NAALADL2: variants seen among roughly 807,000 people sequenced by gnomAD.
NAALADL2 encodes the protein N-acetylated alpha-linked acidic dipeptidase like 2.
In NAALADL2, 76 loss-of-function variants were observed where a neutral mutation model predicts 87.2. That is an observed-to-expected ratio of 0.87 (90% confidence interval 0.72 to 1.05). The LOEUF (loss-of-function observed/expected upper bound fraction) is 1.05. Ranked by LOEUF, NAALADL2 falls within the 50% of genes least tolerant of loss-of-function variation. The probability of loss-of-function intolerance (pLI) is 0.00; values close to 1 mark genes in which losing one functional copy is unlikely to be tolerated. For missense variants in NAALADL2, 1,089 were observed against 945.8 expected, an observed-to-expected ratio of 1.15 and a Z score of -1.99; for synonymous variants, 354 against 331.0, an observed-to-expected ratio of 1.07 and a Z score of -0.75.
intron 3 of NAALADL2, among the ~76,000 whole-genome samples, chr3:174,814,579 A>G (rs912807419): frequency 5.3e-5 from 8 of 152,152 alleles, no homozygotes; most frequent in African/African-American, 1.2e-4. Context: ...GTATGGAATA[A>G]TGTAATTTTG....
chr3:175,206,335 CAT>C (rs1296539622), intron 2 of NAALADL2, among the ~76,000 whole-genome samples: 3 of 142,306 alleles, frequency 2.1e-5, no homozygotes, highest in African/African-American at 8.1e-5. Flanking sequence ...CACACACACA[CAT>C]ATATAATGTA....
intron 6 of NAALADL2, among the ~76,000 whole-genome samples, chr3:175,451,709 C>T (rs1279961857): frequency 2.0e-5 from 3 of 151,968 alleles, no homozygotes; most frequent in Non-Finnish European, 4.4e-5. Context: ...TTACATGTTG[C>T]TTAAAACTTA....
At chr3:175,072,779 G>A (rs2109163776) in intron 1 of NAALADL2, among the ~76,000 whole-genome samples, 1 of 151,158 alleles carries the variant, frequency 6.6e-6, no homozygotes, top group Non-Finnish European at 1.5e-5. Context: ...CATGGCACAT[G>A]TATACATATG....
chr3:175,436,392 T>C (rs1718680412), intron 5 of NAALADL2, among the ~76,000 whole-genome samples: 1 of 148,820 alleles, frequency 6.7e-6, no homozygotes, highest in Non-Finnish European at 1.5e-5. Context: ...GGTCAAATGG[T>C]ATTTCTAGTT....
At chr3:174,773,625 T>C (rs537154311) in intron 3 of NAALADL2, among the ~76,000 whole-genome samples, 1 of 152,186 alleles carries the variant, frequency 6.6e-6, no homozygotes, top group Admixed American at 6.5e-5. Context: ...AGAATAAATG[T>C]CTATCTCATA....
At chr3:175,008,121 T>C (rs1223913382) in intron 1 of NAALADL2, among the ~76,000 whole-genome samples, 2 of 152,270 alleles carry the variant, frequency 1.3e-5, no homozygotes, top group East Asian at 1.9e-4. Context: ...CTCATGCCTA[T>C]AATCCCAGCA....
intron 2 of NAALADL2, among the ~76,000 whole-genome samples, chr3:174,618,189 G>C (rs915385498): frequency 1.3e-5 from 2 of 151,744 alleles, no homozygotes; most frequent in African/African-American, 4.8e-5. Context: ...ATGATAACCA[G>C]AGGTCAGTAC....
At chr3:175,203,121 C>A (rs945190460) in intron 2 of NAALADL2, among the ~76,000 whole-genome samples, 1 of 152,086 alleles carries the variant, frequency 6.6e-6, no homozygotes, top group African/African-American at 2.4e-5. Context: ...TGGATTCGCA[C>A]CCTCCCCTGA....
intron 7 of NAALADL2, among the ~76,000 whole-genome samples, chr3:175,466,321 G>A (rs1457536300): frequency 6.6e-6 from 1 of 152,156 alleles, no homozygotes; most frequent in East Asian, 1.9e-4. Flanking sequence ...AAAATATTCA[G>A]TAATGTACAT....
At chr3:174,939,986 G>A (rs1423525238) in intron 1 of NAALADL2, among the ~76,000 whole-genome samples, 1 of 151,942 alleles carries the variant, frequency 6.6e-6, no homozygotes, top group Non-Finnish European at 1.5e-5. Flanking sequence ...TCCTACTTAG[G>A]TGTTCTTTAT....
At chr3:174,871,588 T>G (rs2109616130) in intron 1 of NAALADL2, among the ~76,000 whole-genome samples, 1 of 152,252 alleles carries the variant, frequency 6.6e-6, no homozygotes, top group African/African-American at 2.4e-5. Context: ...ACTAGAAACA[T>G]ACATCTGAGC....
chr3:174,928,492 G>A (rs561973018), intron 1 of NAALADL2, among the ~76,000 whole-genome samples: 9 of 152,136 alleles, frequency 5.9e-5, no homozygotes, highest in Non-Finnish European at 8.8e-5. Flanking sequence ...CACCCGCCTC[G>A]GCCTCCCAAA....
At position 174,893,310 on chromosome 3, in the gene NAALADL2, A is replaced by ACCCC. The variant is rs35730234; in HGVS notation, c.43+33866_43+33869dup. 2.7e-4 allele frequency among the ~76,000 whole-genome samples: 38 copies of ACCCC among 139,434 alleles called. 1 individual carries two copies. The highest frequency in any genetic ancestry group is 9.4e-4 in the African/African-American group (35 of 37,394). The allele number at this position is 139,434 out of a possible 152,430, so 91.5% of individuals were successfully genotyped here. ...AAGAAATATCAAAGGGAGTACTTCA[A>ACCCC]CCCCCCCCCGCAAAAAGTTATTATT... On this transcript the variant is annotated intron_variant, in intron 1 of 13. Transcript: ENST00000454872.
intron 12 of NAALADL2, among the ~76,000 whole-genome samples, chr3:175,743,310 C>A (rs569886322): frequency 6.6e-6 from 1 of 152,248 alleles, no homozygotes; most frequent in East Asian, 1.9e-4. Flanking sequence ...CCAGAGAATT[C>A]TTTTATGGCA....
chr3:175,368,861 A>G (rs1350589206), intron 5 of NAALADL2, among the ~76,000 whole-genome samples: 1 of 152,134 alleles, frequency 6.6e-6, no homozygotes, highest in Non-Finnish European at 1.5e-5. Context: ...ATCTAAACAT[A>G]TCTAAACACA....
At chr3:175,057,018 C>A (rs765250323) in intron 1 of NAALADL2, among the ~76,000 whole-genome samples, 1 of 152,150 alleles carries the variant, frequency 6.6e-6, no homozygotes, top group Non-Finnish European at 1.5e-5. Flanking sequence ...CTGTTCCCAA[C>A]AGCATTTTCA....
intron 1 of NAALADL2, among the ~76,000 whole-genome samples, chr3:174,877,059 A>G (rs921545635): frequency 6.6e-6 from 1 of 152,106 alleles, no homozygotes; most frequent in East Asian, 1.9e-4. Flanking sequence ...CACAACCCCA[A>G]GACTATTTAA....
At chr3:174,727,801 G>A (rs142868214) in intron 2 of NAALADL2, among the ~76,000 whole-genome samples, 2 of 152,224 alleles carry the variant, frequency 1.3e-5, no homozygotes, top group Non-Finnish European at 2.9e-5. Context: ...AAAAGGTATA[G>A]TGGCACATAT....
intron 1 of NAALADL2, among the ~76,000 whole-genome samples, chr3:174,481,333 T>C (rs1231227845): frequency 6.6e-6 from 1 of 152,040 alleles, no homozygotes; most frequent in African/African-American, 2.4e-5. Flanking sequence ...GGGGCATTCA[T>C]AAAGGTGAAT....
Sources: gnomAD v4.1 joint callset for allele counts (sites outside exome capture counted in the v4.1 genomes callset) on GRCh38, gnomAD v4.1.1 for gene constraint, MANE v1.5 for transcripts, NCBI Gene and HGNC (gene_info 2026-07-23, HGNC 2026-07-21) for gene names.